PPFIA2: variants seen among roughly 807,000 people sequenced by gnomAD.
PPFIA2 encodes the protein liprin-alpha-2.
PPFIA2 carries 46 observed loss-of-function variants against 175.5 expected under a neutral mutation model. The ratio of observed to expected loss-of-function variants is 0.26; its 90% confidence interval spans 0.21 to 0.34. The LOEUF (loss-of-function observed/expected upper bound fraction) is 0.34. Among genes scored for constraint, PPFIA2 ranks in the 10% least tolerant of loss-of-function variants. The pLI is 1.00. For missense variants in PPFIA2, 1,179 were observed against 1,506.1 expected, an observed-to-expected ratio of 0.78 and a Z score of 3.60; for synonymous variants, 568 against 511.4, an observed-to-expected ratio of 1.11 and a Z score of -1.49.
At chr12:81,732,118 A>G (rs1432393911) in intron 3 of PPFIA2, among the ~76,000 whole-genome samples, 1 of 151,638 alleles carries the variant, frequency 6.6e-6, no homozygotes, top group Non-Finnish European at 1.5e-5. Flanking sequence ...AAAATGTATC[A>G]CCACTCAAAT....
chr12:81,477,710 G>T (rs1412819616), intron 4 of PPFIA2, among the ~76,000 whole-genome samples: 1 of 152,116 alleles, frequency 6.6e-6, no homozygotes, highest in African/African-American at 2.4e-5. Flanking sequence ...TACATTTATT[G>T]ATTTGCATAT....
At chr12:81,504,470 C>T (rs1176935503) in intron 4 of PPFIA2, among the ~76,000 whole-genome samples, 5 of 151,984 alleles carry the variant, frequency 3.3e-5, no homozygotes, top group South Asian at 2.1e-4. Context: ...GTTAGAATGG[C>T]GATCATTAAA....
chr12:81,442,610 T>C (rs978699777), intron 6 of PPFIA2, among the ~76,000 whole-genome samples: 1 of 151,436 alleles, frequency 6.6e-6, no homozygotes, highest in Non-Finnish European at 1.5e-5. Context: ...AAATATATTG[T>C]AGAGTAATTT....
intron 6 of PPFIA2, among the ~76,000 whole-genome samples, chr12:81,441,578 C>T (rs1023429391): frequency 1.6e-4 from 25 of 152,084 alleles, no homozygotes; most frequent in African/African-American, 6.0e-4. Context: ...TAACCAAACA[C>T]TAGTTACATA....
chr12:81,583,529 T>TA (rs1405295926), intron 4 of PPFIA2, among the ~76,000 whole-genome samples: 3 of 151,906 alleles, frequency 2.0e-5, no homozygotes, highest in Non-Finnish European at 4.4e-5. Context: ...GAAGAATATT[T>TA]AAAAATAAAT....
intron 28 of PPFIA2, among the ~76,000 whole-genome samples, chr12:81,275,577 C>T (rs550520054): frequency 6.6e-6 from 1 of 152,026 alleles, no homozygotes; most frequent in Non-Finnish European, 1.5e-5. Flanking sequence ...CTAAATTAAG[C>T]CTTAAAAGAA....
intron 4 of PPFIA2, among the ~76,000 whole-genome samples, chr12:81,674,485 C>T (rs775465390): frequency 5.3e-5 from 8 of 151,862 alleles, no homozygotes; most frequent in African/African-American, 9.7e-5. Context: ...CTGACCAACA[C>T]GGTGAAACCC....
chr12:81,359,831 T>C lies in PPFIA2; in HGVS notation c.1638-1614A>G, dbSNP rs535088140. Among the ~76,000 whole-genome samples, 41 of 152,052 alleles carry C rather than the reference T, an allele frequency of 2.7e-4. No homozygotes were observed. The South Asian group carries it at 4.6e-3, about 17-fold the overall frequency. On this transcript the variant is annotated intron_variant, in intron 15 of 32. Transcript: ENST00000549396. The stretch of plus-strand genomic sequence containing the variant: ...TTTAAAAAAAAGCAAAACACAGATC[T>C]AATCATATCAATTTCCTGCTTAAAA...
intron 4 of PPFIA2, among the ~76,000 whole-genome samples, chr12:81,542,580 G>A (rs2066386698): frequency 6.6e-6 from 1 of 152,140 alleles, no homozygotes; most frequent in Non-Finnish European, 1.5e-5. Flanking sequence ...CAAAGATAAT[G>A]CTGACTAATA....
chr12:81,454,944 A>T (rs2053314652), intron 5 of PPFIA2, among the ~76,000 whole-genome samples: 2 of 152,092 alleles, frequency 1.3e-5, no homozygotes, highest in Admixed American at 6.6e-5. Context: ...ACCCTCCTGG[A>T]TTCAAGCGAT....
intron 4 of PPFIA2, among the ~76,000 whole-genome samples, chr12:81,560,373 G>T (rs1376084628): frequency 2.0e-5 from 3 of 151,998 alleles, no homozygotes; most frequent in Non-Finnish European, 4.4e-5. Context: ...TATGTGAAAG[G>T]TGGAAGGTAA....
Position 81,369,212 on chromosome 12 carries a change from G to T in PPFIA2, c.1267-18C>A. On this transcript the variant is annotated intron_variant, in intron 11 of 32. Coordinates refer to ENST00000549396, the MANE Select transcript of PPFIA2 (RefSeq NM_003625.5). ...TCTTCAGCCTGTTAAGAAATATGAA[G>T]AATACACCTGAAATGTAAGATTTGG... 1.2e-6 allele frequency: 2 copies of T among 1,600,864 alleles called. No homozygotes were observed. Among genetic ancestry groups the T allele is most frequent in the Non-Finnish European group, 8.5e-7 (1 of 1,172,434 alleles).
chr12:81,407,356 G>A (rs764526025), intron 7 of PPFIA2, among the ~76,000 whole-genome samples: 8 of 151,792 alleles, frequency 5.3e-5, no homozygotes, highest in South Asian at 2.1e-4. Flanking sequence ...GATGGTGGGC[G>A]CCTGTAATCC....
intron 17 of PPFIA2, among the ~76,000 whole-genome samples, chr12:81,351,115 A>G (rs1489093712): frequency 2.0e-5 from 3 of 152,172 alleles, no homozygotes; most frequent in African/African-American, 4.8e-5. Flanking sequence ...GAGTGCCAAC[A>G]TTTCTCAATA....
At chr12:81,637,518 C>A (rs1044959812) in intron 4 of PPFIA2, among the ~76,000 whole-genome samples, 1 of 151,854 alleles carries the variant, frequency 6.6e-6, no homozygotes, top group Non-Finnish European at 1.5e-5. Context: ...CCATCTCTAC[C>A]CCTACCTCCC....
At chr12:81,714,002 C>G (rs2078273430) in intron 3 of PPFIA2, among the ~76,000 whole-genome samples, 1 of 150,840 alleles carries the variant, frequency 6.6e-6, no homozygotes, top group Non-Finnish European at 1.5e-5. Flanking sequence ...GAACAAAGAC[C>G]TTAATGAAAT....
In PPFIA2 at chr12:81,564,836, G is replaced by T. The variant is rs559324874; in HGVS notation, c.304-106970C>A. On this transcript the variant is annotated intron_variant, in intron 4 of 32. Coordinates refer to ENST00000549396, the MANE Select transcript of PPFIA2 (RefSeq NM_003625.5). Reference sequence around the variant, plus strand: ...AAAGCAGATACTGAGCCTCAAATCTGCTAAGACTGCCCTGAGTGAGAGTCT... The same window carrying T: ...AAAGCAGATACTGAGCCTCAAATCTTCTAAGACTGCCCTGAGTGAGAGTCT... Among the ~76,000 whole-genome samples the T allele has an allele frequency of 3.3e-5, 5 of 152,138 alleles. 1 individual carries two copies. In the South Asian group the frequency reaches 1.0e-3, roughly 32 times the overall value.
At chr12:81,531,593 G>A (rs1354535944) in intron 4 of PPFIA2, among the ~76,000 whole-genome samples, 2 of 151,452 alleles carry the variant, frequency 1.3e-5, no homozygotes, top group Non-Finnish European at 3.0e-5. Context: ...AATTAATAAC[G>A]AATAAGTGAT....
chr12:81,485,566 CTG>C (rs951592005), intron 4 of PPFIA2, among the ~76,000 whole-genome samples: 3 of 151,772 alleles, frequency 2.0e-5, no homozygotes, highest in Non-Finnish European at 4.4e-5. Context: ...TTTTAAAACT[CTG>C]TGCTCTATTA....
Sources: allele counts gnomAD v4.1 joint callset (sites outside exome capture counted in the v4.1 genomes callset), GRCh38; gene constraint gnomAD v4.1.1; transcripts MANE v1.5; gene names NCBI Gene and HGNC (gene_info 2026-07-23, HGNC 2026-07-21).